EPHB1: variants seen among roughly 807,000 people sequenced by gnomAD.
EPHB1 encodes the protein ephrin type-B receptor 1.
Under a neutral mutation model 94.4 loss-of-function variants are expected in EPHB1, and 30 were observed. The observed-to-expected ratio is 0.32, with a 90% CI of 0.24 to 0.43. EPHB1 has a LOEUF of 0.43. EPHB1 is among the 20% of genes least tolerant of loss of function. The pLI, the probability that EPHB1 is intolerant of heterozygous loss-of-function variation, is 1.00. For synonymous variants in EPHB1, 522 were observed against 489.1 expected, an observed-to-expected ratio of 1.07 and a Z score of -0.89; for missense variants, 1,055 against 1,308.3, an observed-to-expected ratio of 0.81 and a Z score of 2.99.
chr3:134,885,339 G>A (rs1158031335), intron 1 of EPHB1, among the ~76,000 whole-genome samples: 15 of 152,330 alleles, frequency 9.8e-5, no homozygotes, highest in African/African-American at 2.4e-5. Flanking sequence ...CAACAAAATA[G>A]TATGTGTATA....
At chr3:135,250,912 T>C (rs1370401335) in intron 15 of EPHB1, among the ~76,000 whole-genome samples, 1 of 152,164 alleles carries the variant, frequency 6.6e-6, no homozygotes, top group Admixed American at 6.5e-5. Context: ...TCCTTGCAGC[T>C]GGGACAAACC....
intron 1 of EPHB1, among the ~76,000 whole-genome samples, chr3:134,911,617 G>C (rs1201609414): frequency 6.6e-6 from 1 of 152,154 alleles, no homozygotes; most frequent in Non-Finnish European, 1.5e-5. Flanking sequence ...CATGAAGACT[G>C]TATGTGAGGG....
intron 3 of EPHB1, among the ~76,000 whole-genome samples, chr3:135,086,875 T>C: frequency 6.6e-6 from 1 of 152,238 alleles, no homozygotes; most frequent in Non-Finnish European, 1.5e-5. Flanking sequence ...AGGAGTGATG[T>C]TGCTGAAGCT....
intron 3 of EPHB1, among the ~76,000 whole-genome samples, chr3:135,020,256 G>A (rs1039288956): frequency 6.6e-6 from 1 of 152,106 alleles, no homozygotes; most frequent in Non-Finnish European, 1.5e-5. Flanking sequence ...TATAATAGCT[G>A]TGTTGAGATA....
chr3:135,208,290 C>CTTGTGTGTGTGT (rs1283544628), intron 12 of EPHB1, among the ~76,000 whole-genome samples: 8 of 142,684 alleles, frequency 5.6e-5, no homozygotes, highest in African/African-American at 1.8e-4. Flanking sequence ...CCTTTCATGA[C>CTTGTGTGTGTGT]GTGTGTGTGT....
chr3:134,840,571 C>T (rs1255117383), intron 1 of EPHB1: 1 of 151,988 alleles, frequency 6.6e-6, no homozygotes, highest in Non-Finnish European at 1.5e-5. Flanking sequence ...TTCTCAGTGC[C>T]CATACCTAAT....
chr3:135,109,611 C>A (rs1939360977), intron 4 of EPHB1, among the ~76,000 whole-genome samples: 1 of 152,204 alleles, frequency 6.6e-6, no homozygotes, highest in East Asian at 1.9e-4. Flanking sequence ...GGCTTGACGC[C>A]ATCACCGAGC....
At chr3:135,222,060 G>A (rs1473237080) in intron 12 of EPHB1, among the ~76,000 whole-genome samples, 5 of 152,194 alleles carry the variant, frequency 3.3e-5, no homozygotes, top group African/African-American at 4.8e-5. Flanking sequence ...GCACAAGCTT[G>A]GATAGCCAAA....
At chr3:135,230,977 C>T (rs1460771706) in intron 12 of EPHB1, among the ~76,000 whole-genome samples, 7 of 152,172 alleles carry the variant, frequency 4.6e-5, no homozygotes, top group Non-Finnish European at 8.8e-5. Flanking sequence ...CATTGATGAG[C>T]ACCTAATGTT....
intron 1 of EPHB1, among the ~76,000 whole-genome samples, chr3:134,894,621 C>T (rs1464985024): frequency 6.6e-6 from 1 of 152,148 alleles, no homozygotes; most frequent in African/African-American, 2.4e-5. Flanking sequence ...TCTGGAAGAA[C>T]AATGGGGAGG....
At chr3:134,915,874 G>T (rs181491896) in intron 1 of EPHB1, among the ~76,000 whole-genome samples, 2 of 152,192 alleles carry the variant, frequency 1.3e-5, no homozygotes, top group Admixed American at 6.5e-5. Context: ...TGCAAAGAGC[G>T]AAAGAGCAAA....
intron 1 of EPHB1, among the ~76,000 whole-genome samples, chr3:134,810,864 C>G (rs1011731410): frequency 3.3e-5 from 5 of 152,226 alleles, no homozygotes; most frequent in African/African-American, 1.2e-4. Context: ...CCATCTCTCT[C>G]TATATATTTA....
In EPHB1 at chr3:135,054,040, T is replaced by TATATACACAC. The variant is rs377064799; in HGVS notation, c.806-52407_806-52406insTATACACACA. 6.2e-3 allele frequency among the ~76,000 whole-genome samples: 863 copies of TATATACACAC among 139,850 alleles called. 12 individuals carry two copies. The highest frequency in any genetic ancestry group is 0.022 in the African/African-American group (797 of 36,460). The allele number at this position is 139,850 out of a possible 152,430, so 91.7% of individuals were successfully genotyped here. ...GTGTGTCTGCATATATATATATATA[T>TATATACACAC]ACACACACACACACACACACACACA... On this transcript the variant is annotated intron_variant, in intron 3 of 15. Coordinates refer to ENST00000398015, the MANE Select transcript of EPHB1 (RefSeq NM_004441.5).
At chr3:135,116,853 A>G (rs546855946) in intron 4 of EPHB1, among the ~76,000 whole-genome samples, 5 of 152,334 alleles carry the variant, frequency 3.3e-5, no homozygotes, top group Admixed American at 2.6e-4. Flanking sequence ...TCCAGCTGCC[A>G]TATTGGAAAT....
chr3:135,017,687 TTC>T (rs1294641808), intron 3 of EPHB1, among the ~76,000 whole-genome samples: 5 of 152,172 alleles, frequency 3.3e-5, no homozygotes, highest in Non-Finnish European at 7.4e-5. Flanking sequence ...GGGACTGGCC[TTC>T]TCTGTGTTGA....
At chr3:134,877,870 C>T (rs971640003) in intron 1 of EPHB1, among the ~76,000 whole-genome samples, 1 of 152,218 alleles carries the variant, frequency 6.6e-6, no homozygotes, top group Non-Finnish European at 1.5e-5. Context: ...GCCAGATCCA[C>T]TCTCTAGACC....
chr3:135,120,431 G>A (rs1231681187), intron 4 of EPHB1, among the ~76,000 whole-genome samples: 1 of 152,172 alleles, frequency 6.6e-6, no homozygotes, highest in Non-Finnish European at 1.5e-5. Flanking sequence ...GGAATAGTGA[G>A]CTTTCTTCTG....
rs112622808 is a variant in EPHB1 at position 135,177,305 on chromosome 3, T to C, written c.1760-2555T>C. 3.9e-5 allele frequency among the ~76,000 whole-genome samples: 6 copies of C among 152,326 alleles called. 1 individual carries two copies. Among genetic ancestry groups the C allele is most frequent in the African/African-American group, 1.2e-4 (5 of 41,578 alleles). ...ACAGCACAGAATTTGGGAGAAGTCA[T>C]AGCTTGTTAACGCTGACCTGCTGTC... On this transcript the variant is annotated intron_variant, in intron 9 of 15. Transcript: ENST00000398015.
chr3:134,868,248 G>A (rs1318659150), intron 1 of EPHB1, among the ~76,000 whole-genome samples: 1 of 152,154 alleles, frequency 6.6e-6, no homozygotes, highest in Non-Finnish European at 1.5e-5. Flanking sequence ...TAACTGAGAG[G>A]AGGCTCTTAC....
Sources: allele counts gnomAD v4.1 joint callset (sites outside exome capture counted in the v4.1 genomes callset), GRCh38; gene constraint gnomAD v4.1.1; transcripts MANE v1.5; gene names NCBI Gene and HGNC (gene_info 2026-07-23, HGNC 2026-07-21).